CA5B: variants seen among roughly 807,000 people sequenced by gnomAD.
CA5B encodes carbonic anhydrase 5B, mitochondrial.
In CA5B, 15 loss-of-function variants were observed where a neutral mutation model predicts 23.1. That is an observed-to-expected ratio of 0.65 (90% confidence interval 0.43 to 1.00). CA5B has a LOEUF of 1.00. Among genes scored for constraint, CA5B ranks in the 50% least tolerant of loss-of-function variants. CA5B has a pLI of 0.00. For synonymous variants in CA5B, 84 were observed against 98.5 expected (o/e 0.85, Z 0.87); for missense variants, 236 against 252.2 (o/e 0.94, Z 0.43).
intron 1 of CA5B, among the ~76,000 whole-genome samples, chrX:15,744,334 C>T (rs761246702): frequency 8.9e-5 from 10 of 112,496 alleles, no homozygotes; most frequent in Non-Finnish European, 1.3e-4. Context: ...GGCCTCAGAC[C>T]CACCCCCGAC....
At chrX:15,745,336 G>A (rs1034924133) in intron 1 of CA5B, among the ~76,000 whole-genome samples, 5 of 111,446 alleles carry the variant, frequency 4.5e-5, no homozygotes, top group African/African-American at 1.6e-4. Flanking sequence ...AAGCGAGATT[G>A]CCAGGGGCTA....
Position 15,770,445 on chromosome X carries a change from G to GT in CA5B, c.341-2048dup, listed in dbSNP as rs1379734061. 2.7e-5 allele frequency among the ~76,000 whole-genome samples: 3 copies of GT among 111,328 alleles called. No homozygotes were observed. The East Asian group carries it at 8.4e-4, about 31-fold the overall frequency. Reference sequence around the variant, plus strand: ...TTCTGTCTACCTGCCCCATTTCTTTGTTTCTTTCCTTTTTTTCTGTAGAGA... The same window carrying GT: ...TTCTGTCTACCTGCCCCATTTCTTTGTTTTCTTTCCTTTTTTTCTGTAGAGA... On this transcript the variant is annotated intron_variant, in intron 3 of 7. Coordinates refer to ENST00000318636, the MANE Select transcript of CA5B (RefSeq NM_007220.4).
chrX:15,784,273 G>C lies in CA5B; in HGVS notation c.*1609G>C, dbSNP rs1209543916. ...TGTATTATTTGCACGCTGTTACATA[G>C]TATATAATGATAATGTTTTCTACAG... On this transcript the variant is annotated 3_prime_UTR_variant, in exon 8 of 8. Coordinates refer to ENST00000318636, the MANE Select transcript of CA5B (RefSeq NM_007220.4). 1 of 112,507 alleles carries C rather than the reference G, an allele frequency of 8.9e-6. No homozygotes were observed. Among genetic ancestry groups the C allele is most frequent in the African/African-American group, 3.2e-5 (1 of 31,025 alleles). 9.3% of individuals were successfully genotyped at this position (112,507 alleles called of 1,213,427 possible).
chrX:15,744,155 C>T (rs1218402859), intron 1 of CA5B, among the ~76,000 whole-genome samples: 1 of 112,812 alleles, frequency 8.9e-6, no homozygotes, highest in Non-Finnish European at 1.9e-5. Context: ...GGCCTCCAGC[C>T]TTGGTGTCAT....
intron 2 of CA5B, among the ~76,000 whole-genome samples, chrX:15,753,359 G>C (rs1931418050): frequency 8.9e-6 from 1 of 112,654 alleles, no homozygotes; most frequent in Non-Finnish European, 1.9e-5. Context: ...AAGAGTTGAA[G>C]TCAACTGAAA....
At chrX:15,746,148 C>G (rs5934275) in intron 1 of CA5B, among the ~76,000 whole-genome samples, 1 of 102,196 alleles carries the variant, frequency 9.8e-6, no homozygotes, top group Non-Finnish European at 2.0e-5. Context: ...CGGGTTCAAG[C>G]GATTCTCTTG....
intron 3 of CA5B, among the ~76,000 whole-genome samples, chrX:15,770,731 CTCTT>C (rs763621521): frequency 1.8e-3 from 173 of 93,607 alleles, no homozygotes; most frequent in African/African-American, 4.9e-3. Flanking sequence ...CTCTCTCTCT[CTCTT>C]TCTTTCTTTC....
At chrX:15,751,696 G>A (rs1379109747) in intron 2 of CA5B, among the ~76,000 whole-genome samples, 1 of 110,783 alleles carries the variant, frequency 9.0e-6, no homozygotes, top group Admixed American at 9.6e-5. Context: ...CAGATGACAT[G>A]TTCTTGTTTC....
At chrX:15,767,965 CTT>C (rs1931746058) in intron 3 of CA5B, among the ~76,000 whole-genome samples, 1 of 92,168 alleles carries the variant, frequency 1.1e-5, no homozygotes, top group Non-Finnish European at 2.1e-5. Flanking sequence ...GTGGCGTGAT[CTT>C]GGCTCACTGC....
intron 2 of CA5B, among the ~76,000 whole-genome samples, chrX:15,753,334 G>T (rs1278976029): frequency 8.9e-6 from 1 of 112,839 alleles, no homozygotes; most frequent in Non-Finnish European, 1.9e-5. Flanking sequence ...GGTTGAAAAA[G>T]TTAAGCTTTG....
chrX:15,779,373 A>T (rs1188512854), intron 7 of CA5B, among the ~76,000 whole-genome samples: 1 of 111,907 alleles, frequency 8.9e-6, no homozygotes, highest in Non-Finnish European at 1.9e-5. Flanking sequence ...TACCAATTTA[A>T]ATCCTAATCT....
chrX:15,769,583 C>T (rs904532377), intron 3 of CA5B: 16 of 751,826 alleles, frequency 2.1e-5, no homozygotes, highest in Non-Finnish European at 2.5e-5. Flanking sequence ...CACTTCTTTG[C>T]GGCAGTGCCA....
intron 2 of CA5B, among the ~76,000 whole-genome samples, 188 bp from the exon 3 acceptor site, chrX:15,764,390 C>A (rs1213897706): frequency 9.0e-6 from 1 of 110,625 alleles, no homozygotes; most frequent in African/African-American, 3.3e-5. Flanking sequence ...AGGTGTGTAC[C>A]ACCACGCCTG....
chrX:15,752,086 C>G (rs906511276), intron 2 of CA5B, among the ~76,000 whole-genome samples: 1 of 111,590 alleles, frequency 9.0e-6, no homozygotes, highest in Non-Finnish European at 1.9e-5. Flanking sequence ...AACACATGCC[C>G]AAGGTGGTTG....
Position 15,787,086 on chromosome X carries a change from T to C in CA5B, c.*4422T>C, listed in dbSNP as rs1932130460. On this transcript the variant is annotated 3_prime_UTR_variant, in exon 8 of 8. Transcript: ENST00000318636. The stretch of plus-strand genomic sequence containing the variant: ...TGCCCAGGGCGGGGCTGATGGAGTC[T>C]TGATTGTACGTGCCCCACTTGCACC... 8.9e-6 allele frequency: 1 copy of C among 112,106 alleles called. No homozygotes were observed. Among genetic ancestry groups the C allele is most frequent in the Non-Finnish European group, 1.9e-5 (1 of 53,240 alleles). 9.2% of individuals were successfully genotyped at this position (112,106 alleles called of 1,213,427 possible).
intron 7 of CA5B, among the ~76,000 whole-genome samples, chrX:15,779,074 G>A (rs903758650): frequency 8.9e-6 from 1 of 111,835 alleles, no homozygotes; most frequent in African/African-American, 3.2e-5. Flanking sequence ...TATTGGCTAT[G>A]TGATTATGGA....
At chrX:15,778,847 C>A (rs1198506818) in intron 7 of CA5B, among the ~76,000 whole-genome samples, 1 of 110,568 alleles carries the variant, frequency 9.0e-6, no homozygotes, top group Non-Finnish European at 1.9e-5. Context: ...AGGAGGAAAT[C>A]CACCCTCATG....
At position 15,786,861 on chromosome X, in the gene CA5B, G is replaced by A. The variant is rs10521650; in HGVS notation, c.*4197G>A. ...TCACCATATAGGGCAAGCTGTGACC[G>A]CCTTTCTCCTTTCCCAGGGCTACAT... On this transcript the variant is annotated 3_prime_UTR_variant, in exon 8 of 8. Transcript: ENST00000318636. 37,209 of 110,982 alleles carry A rather than the reference G, an allele frequency of 0.34. 6,073 individuals carry two copies. Among genetic ancestry groups the A allele is most frequent in the Non-Finnish European group, 0.5 (26,520 of 52,847 alleles). 9.1% of individuals were successfully genotyped at this position (110,982 alleles called of 1,213,427 possible).
chrX:15,780,791 C>T (rs1932007909), intron 7 of CA5B, among the ~76,000 whole-genome samples: 2 of 111,790 alleles, frequency 1.8e-5, no homozygotes, highest in Non-Finnish European at 3.8e-5. Flanking sequence ...GTGATATGTT[C>T]ATTGCTTGCT....
Sources: allele counts gnomAD v4.1 joint callset (sites outside exome capture counted in the v4.1 genomes callset), GRCh38; gene constraint gnomAD v4.1.1; transcripts MANE v1.5; gene names NCBI Gene and HGNC (gene_info 2026-07-23, HGNC 2026-07-21).